The following MACROD2 variants were observed in gnomAD, a reference collection of about 807,000 sequenced individuals.
MACROD2 encodes mono-ADP ribosylhydrolase 2, also known as ADP-ribose glycohydrolase MACROD2.
In MACROD2, 36 loss-of-function variants were observed where a neutral mutation model predicts 70.4. The observed-to-expected ratio is 0.51, with a 90% CI of 0.39 to 0.68. The LOEUF is 0.68. Ranked by LOEUF, MACROD2 falls within the 30% of genes least tolerant of loss-of-function variation. The probability of loss-of-function intolerance (pLI) is 0.00; values close to 1 mark genes in which losing one functional copy is unlikely to be tolerated. For missense variants in MACROD2, 496 were observed against 538.4 expected, an observed-to-expected ratio of 0.92 and a Z score of 0.78; for synonymous variants, 172 against 178.8, an observed-to-expected ratio of 0.96 and a Z score of 0.30.
intron 8 of MACROD2, among the ~76,000 whole-genome samples, chr20:15,741,509 C>T (rs1233319775): frequency 6.6e-6 from 1 of 152,084 alleles, no homozygotes; most frequent in East Asian, 1.9e-4. Flanking sequence ...GGCCTTTGTT[C>T]TGGCTGTTTT....
chr20:14,414,881 C>T (rs529727486), intron 3 of MACROD2, among the ~76,000 whole-genome samples: 8 of 152,002 alleles, frequency 5.3e-5, no homozygotes, highest in African/African-American at 1.9e-4. Flanking sequence ...ATTTAAAAAA[C>T]TCTGTTCCCA....
intron 6 of MACROD2, among the ~76,000 whole-genome samples, chr20:15,366,089 G>C (rs911136299): frequency 2.0e-5 from 3 of 152,190 alleles, no homozygotes; most frequent in Admixed American, 6.5e-5. Flanking sequence ...GAAGAGAACA[G>C]AGAGGGATTA....
chr20:14,232,727 G>C (rs898647046), intron 3 of MACROD2, among the ~76,000 whole-genome samples: 1 of 152,218 alleles, frequency 6.6e-6, no homozygotes, highest in African/African-American at 2.4e-5. Context: ...CTCCACATCA[G>C]CAATAGGGCT....
At chr20:16,045,935 G>T (rs948660404) in intron 17 of MACROD2, among the ~76,000 whole-genome samples, 1 of 151,816 alleles carries the variant, frequency 6.6e-6, no homozygotes. Context: ...ATTAGAAGAA[G>T]GAAATTATGC....
chr20:14,638,820 T>A (rs1984928268), intron 4 of MACROD2, among the ~76,000 whole-genome samples: 1 of 151,836 alleles, frequency 6.6e-6, no homozygotes, highest in Non-Finnish European at 1.5e-5. Flanking sequence ...GGTGGTGGCA[T>A]GTGCCTGTAG....
In MACROD2 at chr20:14,501,428, AT is replaced by A. The variant is rs144231916; in HGVS notation, c.301+7922del. 7.2e-3 allele frequency among the ~76,000 whole-genome samples: 1,096 copies of A among 151,932 alleles called. 12 individuals are homozygous for A. Among genetic ancestry groups the A allele is most frequent in the African/African-American group, 0.025 (1,055 of 41,506 alleles). On this transcript the variant is annotated intron_variant, in intron 4 of 17. Transcript: ENST00000684519. ...ACAGGTAACTTGTCATTGACATCAT[AT>A]TACTAATATGTATACTAGTGTTATC...
chr20:15,644,228 A>C (rs888488542), intron 8 of MACROD2, among the ~76,000 whole-genome samples: 6 of 152,220 alleles, frequency 3.9e-5, no homozygotes, highest in Non-Finnish European at 8.8e-5. Context: ...CAGTGCTGAG[A>C]TAGAAACCCT....
At chr20:14,204,364 G>A (rs947749840) in intron 3 of MACROD2, among the ~76,000 whole-genome samples, 1 of 152,202 alleles carries the variant, frequency 6.6e-6, no homozygotes, top group Non-Finnish European at 1.5e-5. Context: ...GTGAGGGGAT[G>A]TCAGCAGTGC....
At chr20:15,614,447 G>T (rs188892368) in intron 8 of MACROD2, among the ~76,000 whole-genome samples, 2 of 152,240 alleles carry the variant, frequency 1.3e-5, no homozygotes, top group East Asian at 3.9e-4. Flanking sequence ...TATAATTGGA[G>T]TAAAGGGAAG....
intron 2 of MACROD2, among the ~76,000 whole-genome samples, chr20:14,007,369 C>G (rs2052838049): frequency 6.6e-6 from 1 of 152,032 alleles, no homozygotes; most frequent in Non-Finnish European, 1.5e-5. Flanking sequence ...CAATTTGCCC[C>G]TTCCTTCTCT....
At chr20:14,963,816 TA>T (rs1398174902) in intron 5 of MACROD2, among the ~76,000 whole-genome samples, 1 of 152,182 alleles carries the variant, frequency 6.6e-6, no homozygotes, top group Non-Finnish European at 1.5e-5. Flanking sequence ...CCTCAAATCT[TA>T]TAGCAATTTA....
chr20:14,757,076 C>T (rs1047533710), intron 5 of MACROD2, among the ~76,000 whole-genome samples: 5 of 152,010 alleles, frequency 3.3e-5, no homozygotes, highest in Non-Finnish European at 4.4e-5. Flanking sequence ...TCTTCATAGC[C>T]GCATGAGAAT....
chr20:15,856,593 C>T (rs1484066747), intron 8 of MACROD2, among the ~76,000 whole-genome samples: 1 of 152,150 alleles, frequency 6.6e-6, no homozygotes, highest in African/African-American at 2.4e-5. Context: ...TAAACATATA[C>T]TCTGTGGATA....
intron 3 of MACROD2, among the ~76,000 whole-genome samples, chr20:14,311,742 T>C (rs1399501402): frequency 2.0e-5 from 3 of 152,076 alleles, no homozygotes; most frequent in Non-Finnish European, 2.9e-5. Flanking sequence ...GGTGTTGAAC[T>C]CCTGACCTCA....
chr20:15,368,868 T>C lies in MACROD2; in HGVS notation c.541-62537T>C, dbSNP rs907792274. ...GTTAATACATTTAACGTGGGTTCAT[T>C]AGTGTTTGATATATTTCTTGTGGCT... is the stretch of plus-strand genomic sequence containing the variant. On this transcript the variant is annotated intron_variant, in intron 6 of 17. Coordinates refer to ENST00000684519, the MANE Select transcript of MACROD2 (RefSeq NM_001351661.2). Among the ~76,000 whole-genome samples the C allele has an allele frequency of 2.0e-5, 3 of 152,170 alleles. No homozygotes were observed. The East Asian group carries it at 5.8e-4, about 29-fold the overall frequency.
chr20:14,776,471 ATCATAATCACAG>A (rs1434812082), intron 5 of MACROD2, among the ~76,000 whole-genome samples: 1 of 152,034 alleles, frequency 6.6e-6, no homozygotes. Context: ...CAATAATTAT[ATCATAATCACAG>A]TCATAATCAC....
chr20:14,959,721 A>G (rs1178538332), intron 5 of MACROD2, among the ~76,000 whole-genome samples: 1 of 152,166 alleles, frequency 6.6e-6, no homozygotes, highest in Non-Finnish European at 1.5e-5. Flanking sequence ...TTCGCAACAC[A>G]TAGTAGCAAG....
intron 2 of MACROD2, among the ~76,000 whole-genome samples, chr20:14,020,299 C>A (rs1432315704): frequency 2.0e-5 from 3 of 152,180 alleles, no homozygotes; most frequent in East Asian, 1.9e-4. Context: ...ACGGAGAAAC[C>A]CCGTCCCTAC....
At chr20:14,715,808 T>C (rs2071391128) in intron 5 of MACROD2, among the ~76,000 whole-genome samples, 1 of 152,170 alleles carries the variant, frequency 6.6e-6, no homozygotes, top group African/African-American at 2.4e-5. Context: ...GAAAAGACCC[T>C]AAAATTACAT....
Sources: allele counts gnomAD v4.1 joint callset (sites outside exome capture counted in the v4.1 genomes callset), GRCh38; gene constraint gnomAD v4.1.1; transcripts MANE v1.5; gene names NCBI Gene and HGNC (gene_info 2026-07-23, HGNC 2026-07-21).